Variants in DPP6 observed in about 807,000 individuals in gnomAD.
DPP6 encodes the protein dipeptidyl peptidase like 6.
Under a neutral mutation model 122.6 loss-of-function variants are expected in DPP6, and 69 were observed. That is an observed-to-expected ratio of 0.56 (90% CI 0.46 to 0.69). DPP6 has a LOEUF of 0.69. DPP6 is among the 30% of genes least tolerant of loss of function. DPP6 has a pLI of 0.00. For missense variants in DPP6, 928 were observed against 1,116.9 expected (o/e 0.83, Z 2.41); for synonymous variants, 418 against 433.1 (o/e 0.97, Z 0.43).
Position 154,794,257 on chromosome 7 carries a change from G to A in DPP6, c.1260+55G>A. 2 of 1,512,252 alleles carry A rather than the reference G, an allele frequency of 1.3e-6. 1 individual carries two copies. The highest frequency in any genetic ancestry group is 2.6e-5 in the South Asian group (2 of 77,726). The allele number at this position is 1,512,252 out of a possible 1,614,324, so 93.7% of individuals were successfully genotyped here. A position where few individuals can be genotyped will look rare whatever the true frequency, so the allele number is the denominator to read the frequency against. The stretch of plus-strand genomic sequence containing the variant: ...ACGGGTGAAGAACCGATGGTCAGAC[G>A]CGCCCGAGGTGGCGCCAGAGTCGTC... On this transcript the variant is annotated intron_variant, in intron 11 of 25. Coordinates refer to ENST00000377770, the MANE Select transcript of DPP6 (RefSeq NM_130797.4).
chr7:154,404,613 T>C (rs531834670), intron 1 of DPP6, among the ~76,000 whole-genome samples: 2 of 152,280 alleles, frequency 1.3e-5, no homozygotes, highest in Admixed American at 6.5e-5. Flanking sequence ...ACCAGAAACA[T>C]TCAACTTAAC....
chr7:154,876,555 C>A (rs992059981), intron 20 of DPP6, among the ~76,000 whole-genome samples: 3 of 152,164 alleles, frequency 2.0e-5, no homozygotes, highest in African/African-American at 7.2e-5. Context: ...CCATGCACAT[C>A]CAGGTGGGGC....
chr7:154,614,738 A>G (rs147343767), intron 5 of DPP6, among the ~76,000 whole-genome samples: 9 of 148,466 alleles, frequency 6.1e-5, no homozygotes, highest in African/African-American at 2.2e-4. Context: ...AGCATTAACC[A>G]TTTAGAGCAC....
the DPP6 span, among the ~76,000 whole-genome samples, chr7:153,829,653 A>C: frequency 1.3e-5 from 2 of 152,172 alleles, no homozygotes; most frequent in Non-Finnish European, 2.9e-5. Flanking sequence ...CTGGGCATTG[A>C]GAATACAGCT....
intron 1 of DPP6, among the ~76,000 whole-genome samples, chr7:154,102,432 G>A (rs1401912126): frequency 1.3e-4 from 20 of 151,844 alleles, no homozygotes; most frequent in African/African-American, 3.9e-4. Context: ...CAGGTAATCC[G>A]CCCGCCTCAG....
intron 7 of DPP6, among the ~76,000 whole-genome samples, chr7:154,706,193 C>T (rs1419137302): frequency 1.3e-5 from 2 of 152,202 alleles, no homozygotes; most frequent in African/African-American, 2.4e-5. Context: ...CCAGCTTATC[C>T]TCTCACCGCC....
rs34454400 is a variant in DPP6 at position 154,241,185 on chromosome 7, A to ATGCGTGTGTGTGTGTGTG, written c.243+188124_243+188125insCGTGTGTGTGTGTGTGTG. 6.8e-4 allele frequency among the ~76,000 whole-genome samples: 93 copies of ATGCGTGTGTGTGTGTGTG among 136,294 alleles called. 3 individuals carry two copies. Among genetic ancestry groups the ATGCGTGTGTGTGTGTGTG allele is most frequent in the African/African-American group, 1.2e-3 (44 of 35,786 alleles). 89.4% of individuals were successfully genotyped at this position (136,294 alleles called of 152,430 possible). A position where few individuals can be genotyped will look rare whatever the true frequency, so the allele number is the denominator to read the frequency against. ...GCACAGTAGGTAATTCAATATCAAT[A>ATGCGTGTGTGTGTGTGTG]TGTGTGTGTGTGTGTGTGTGTGTGT... On this transcript the variant is annotated intron_variant, in intron 1 of 25. Transcript: ENST00000377770. The surrounding 1 kb of genome is among the most constrained non-coding windows in gnomAD (Gnocchi z 9.0).
chr7:154,517,060 G>A (rs765268274), intron 3 of DPP6, among the ~76,000 whole-genome samples: 1 of 152,160 alleles, frequency 6.6e-6, no homozygotes, highest in Non-Finnish European at 1.5e-5. Flanking sequence ...TCCCATGAAA[G>A]CAGAATGACA....
chr7:154,639,094 G>A (rs369191580), intron 6 of DPP6, among the ~76,000 whole-genome samples: 31 of 152,264 alleles, frequency 2.0e-4, no homozygotes, highest in Middle Eastern at 3.4e-3. Flanking sequence ...CAGCATGAGC[G>A]TTTATAGCTG....
intron 1 of DPP6, among the ~76,000 whole-genome samples, chr7:154,441,796 C>T (rs763588074): frequency 1.3e-5 from 2 of 152,010 alleles, no homozygotes; most frequent in East Asian, 1.9e-4. Flanking sequence ...TTCTTGCACT[C>T]GAGATACAAA....
chr7:153,852,757 A>T, the DPP6 span, among the ~76,000 whole-genome samples: 1 of 152,242 alleles, frequency 6.6e-6, no homozygotes, highest in African/African-American at 2.4e-5. Flanking sequence ...TGTGAAAGTT[A>T]GTATTAATCC....
chr7:154,801,557 A>C, intron 13 of DPP6, 95 bp downstream of exon 13: 1 of 1,438,326 alleles, frequency 7.0e-7, no homozygotes, highest in Non-Finnish European at 9.2e-7. Flanking sequence ...TGCGTTTTCG[A>C]GGACCCCAAG....
chr7:154,377,685 A>G (rs1586101301), intron 1 of DPP6, among the ~76,000 whole-genome samples: 1 of 151,466 alleles, frequency 6.6e-6, no homozygotes, highest in African/African-American at 2.4e-5. Context: ...CTTCCCCTTC[A>G]CCTTCCACCA....
chr7:154,107,625 T>G (rs1174261149), intron 1 of DPP6, among the ~76,000 whole-genome samples: 3 of 152,230 alleles, frequency 2.0e-5, no homozygotes, highest in African/African-American at 7.2e-5. Flanking sequence ...TTAACTAGCT[T>G]GATATAAGCA....
chr7:153,837,515 T>A, the DPP6 span, among the ~76,000 whole-genome samples: 3 of 152,218 alleles, frequency 2.0e-5, no homozygotes, highest in Admixed American at 2.0e-4. Context: ...CACTCATCTT[T>A]GTGCCATGCT....
chr7:153,824,179 A>G, the DPP6 span, among the ~76,000 whole-genome samples: 2 of 152,162 alleles, frequency 1.3e-5, no homozygotes, highest in Non-Finnish European at 2.9e-5. Flanking sequence ...ACTTGAGGAC[A>G]GGAGTTCGAG....
chr7:154,438,384 G>A (rs12537459), intron 1 of DPP6, among the ~76,000 whole-genome samples: 11,777 of 143,264 alleles, frequency 0.082, 728 homozygotes, highest in East Asian at 0.35. Context: ...TCAGGAGAAC[G>A]GCGTGAACCC....
chr7:153,918,464 A>ACTCTCT (rs1258700119), intron 1 of DPP6, among the ~76,000 whole-genome samples: 1 of 85,272 alleles, frequency 1.2e-5, no homozygotes, highest in African/African-American at 4.1e-5. Context: ...ACACACACAC[A>ACTCTCT]CACTCTCTCT....
At chr7:154,116,237 A>AAATG (rs201593544) in intron 1 of DPP6, among the ~76,000 whole-genome samples, 4 of 152,060 alleles carry the variant, frequency 2.6e-5, no homozygotes, top group Admixed American at 2.0e-4. Context: ...AAGAGTGGTT[A>AAATG]AATGAATGAA....
Sources: allele counts gnomAD v4.1 joint callset (sites outside exome capture counted in the v4.1 genomes callset), GRCh38; gene constraint gnomAD v4.1.1; non-coding constraint Gnocchi (gnomAD v3.1); transcripts MANE v1.5; gene names NCBI Gene and HGNC (gene_info 2026-07-23, HGNC 2026-07-21).